The following CCDC73 variants were observed in gnomAD, a reference collection of about 807,000 sequenced individuals.
CCDC73 encodes the protein coiled-coil domain containing 73.
Under a neutral mutation model 116.5 loss-of-function variants are expected in CCDC73, and 95 were observed. The observed-to-expected ratio is 0.82, with a 90% CI of 0.69 to 0.97. The LOEUF (loss-of-function observed/expected upper bound fraction) is 0.97, where lower values mean the gene tolerates loss of function less well. Among genes scored for constraint, CCDC73 ranks in the 50% least tolerant of loss-of-function variants. CCDC73 has a pLI of 0.00. For missense variants in CCDC73, 1,066 were observed against 1,206.8 expected (o/e 0.88, Z 1.73); for synonymous variants, 398 against 401.3 (o/e 0.99, Z 0.10).
chr11:32,752,266 T>C lies in CCDC73; in HGVS notation c.135+7843A>G, dbSNP rs551923758. Among the ~76,000 whole-genome samples, 9 of 152,306 alleles carry C rather than the reference T, an allele frequency of 5.9e-5. No homozygotes were observed. In the East Asian group the frequency reaches 1.4e-3, roughly 23 times the overall value. ...ACTCAAGGACATGAAATATGGTTCA[T>C]TGGGAGCCACAAATATAACAGCATC... On this transcript the variant is annotated intron_variant, in intron 2 of 17. Coordinates refer to ENST00000335185, the MANE Select transcript of CCDC73 (RefSeq NM_001008391.4).
chr11:32,699,295 C>T lies in CCDC73; in HGVS notation c.346G>A (p.Glu116Lys), dbSNP rs1287817413. 7 of 1,578,540 alleles carry T rather than the reference C, an allele frequency of 4.4e-6. No homozygotes were observed. The highest frequency in any genetic ancestry group is 6.0e-6 in the Non-Finnish European group (7 of 1,158,536). Residue 116 changes from glutamate to lysine, a missense_variant, in exon 6 of 18, where the codon GAA (glutamate) becomes AAA (lysine). Physicochemically the swap from Glu to Lys is moderately conservative, Grantham distance 56. Transcript: ENST00000335185. ...GKYQLATEIK[E>K]KEIEGLKETL... The stretch of plus-strand genomic sequence containing the variant: ...TCCTTCAATCCTTCTATTTCTTTTT[C>T]CTTTATTTCTGTAGCAAGTTGATAT...
intron 1 of CCDC73, among the ~76,000 whole-genome samples, chr11:32,764,082 G>A (rs975104502): frequency 5.9e-5 from 9 of 152,148 alleles, no homozygotes; most frequent in Non-Finnish European, 1.0e-4. Flanking sequence ...AAAAAGAAAT[G>A]AACAAAGCCT....
intron 17 of CCDC73, chr11:32,605,125 T>A (rs997381195): frequency 6.6e-6 from 1 of 152,004 alleles, no homozygotes; most frequent in African/African-American, 2.4e-5. Flanking sequence ...GTGTTGGGAT[T>A]ACAGGCATGA....
chr11:32,644,720 T>C (rs1172404947), intron 12 of CCDC73, among the ~76,000 whole-genome samples: 1 of 152,222 alleles, frequency 6.6e-6, no homozygotes, highest in Non-Finnish European at 1.5e-5. Flanking sequence ...AACAGTTTTA[T>C]TACTTCCAAA....
intron 6 of CCDC73, among the ~76,000 whole-genome samples, chr11:32,688,815 G>A (rs1334423452): frequency 6.6e-6 from 1 of 151,988 alleles, no homozygotes; most frequent in Non-Finnish European, 1.5e-5. Flanking sequence ...AAAATATATA[G>A]CATCAATAAA....
chr11:32,616,002 G>C lies in CCDC73; in HGVS notation c.1313C>G (p.Thr438Ser). Residue 438 changes from threonine to serine, a missense_variant, in exon 15 of 18, where the codon ACT (threonine) becomes AGT (serine). Thr to Ser is a moderately conservative substitution (Grantham distance 58). Transcript: ENST00000335185. ...EENMENFCSDTEYREKEEKKE... is the reference protein window; with the variant it reads ...EENMENFCSDSEYREKEEKKE... ...TTTTTCTTCTTTTTCTCTGTATTCA[G>C]TATCTGAACAAAAATTCTCCATATT... 1 of 1,599,378 alleles carries C rather than the reference G, an allele frequency of 6.3e-7. No individual in the cohort carries two copies. Among genetic ancestry groups the C allele is most frequent in the Non-Finnish European group, 8.5e-7 (1 of 1,171,752 alleles).
Position 32,614,664 on chromosome 11 carries a change from G to A in CCDC73, c.1654C>T (p.Leu552=), listed in dbSNP as rs759088510. ...ACATCTAATCCTCTGGTTCTTTCTA[G>A]ATGTATTTTTTCTGTTTCTATTGCT... ...DTAIETEKIH[L]ERTRGLDVHH... The change falls in exon 16 of 18, where the codon CTA becomes TTA. Residue 552 remains leucine (L), a synonymous_variant. Coordinates refer to ENST00000335185, the MANE Select transcript of CCDC73 (RefSeq NM_001008391.4). 8.7e-6 allele frequency: 14 copies of A among 1,612,810 alleles called. No homozygotes were observed. The highest frequency in any genetic ancestry group is 8.3e-5 in the Admixed American group (5 of 59,908).
the CCDC73 span, among the ~76,000 whole-genome samples, chr11:32,826,650 AAAAAAAAAAC>A: frequency 2.0e-4 from 27 of 136,802 alleles, no homozygotes; most frequent in Admixed American, 1.8e-3. Context: ...ATAACTCAAA[AAAAAAAAAAC>A]AAAAAAAAAA....
In CCDC73 at chr11:32,622,527, G is replaced by C. The variant is rs559520029; in HGVS notation, c.1186-6398C>G. ...CCTGTCCGGGTGGGGGGCAGCAAGG[G>C]GAGGGAGAGCATCAGGACAAATAGC... On this transcript the variant is annotated intron_variant, in intron 14 of 17. Transcript: ENST00000335185. 3.9e-5 allele frequency among the ~76,000 whole-genome samples: 6 copies of C among 152,122 alleles called. No individual in the cohort carries two copies. The East Asian group carries it at 1.2e-3, about 29-fold the overall frequency.
At chr11:32,781,257 G>T (rs188237102) in intron 1 of CCDC73, among the ~76,000 whole-genome samples, 1 of 152,184 alleles carries the variant, frequency 6.6e-6, no homozygotes, top group Non-Finnish European at 1.5e-5. Flanking sequence ...ATTGAACAGT[G>T]GTATTTAGTT....
At chr11:32,626,972 A>T (rs1029775115) in intron 14 of CCDC73, among the ~76,000 whole-genome samples, 1 of 152,222 alleles carries the variant, frequency 6.6e-6, no homozygotes, top group Non-Finnish European at 1.5e-5. Flanking sequence ...AAATTGATAA[A>T]TGGGATCTAA....
chr11:32,611,168 T>C lies in CCDC73; in HGVS notation c.2994A>G (p.Ala998=). Residue 998 remains alanine (A), a synonymous_variant, in exon 17 of 18, where the codon GCA becomes GCG. Coordinates refer to ENST00000335185, the MANE Select transcript of CCDC73 (RefSeq NM_001008391.4). ...GAAAAGAGGAATCATAAAAAGTCTT[T>C]GCCATTGCATTCTTCTCTTCACTGG... ...GEPSEEKNAM[A]KTFYDSSFPT... is the part of the protein sequence containing the mutation. 1 of 1,613,992 alleles carries C rather than the reference T, an allele frequency of 6.2e-7. No individual in the cohort carries two copies. The highest frequency in any genetic ancestry group is 8.5e-7 in the Non-Finnish European group (1 of 1,179,906).
the CCDC73 span, among the ~76,000 whole-genome samples, chr11:32,805,985 A>C: frequency 4.6e-5 from 7 of 152,242 alleles, no homozygotes; most frequent in African/African-American, 1.7e-4. Flanking sequence ...CCCAAAGTTA[A>C]ACAAGCTATA....
chr11:32,689,927 G>A (rs927766780), intron 6 of CCDC73, among the ~76,000 whole-genome samples: 11 of 152,186 alleles, frequency 7.2e-5, no homozygotes, highest in Non-Finnish European at 1.5e-4. Flanking sequence ...CCCGGGAGGC[G>A]GAGCTTGCAG....
intron 14 of CCDC73, among the ~76,000 whole-genome samples, chr11:32,625,654 G>A (rs1012885689): frequency 2.0e-5 from 3 of 152,062 alleles, no homozygotes; most frequent in East Asian, 1.9e-4. Flanking sequence ...CTTCATCCCT[G>A]GGATGCAAGG....
Position 32,650,865 on chromosome 11 carries a change from C to G in CCDC73, c.939+2258G>C, listed in dbSNP as rs190076486. Among the ~76,000 whole-genome samples the G allele has an allele frequency of 1.2e-3, 177 of 152,160 alleles. 1 individual carries two copies. Among genetic ancestry groups the G allele is most frequent in the Non-Finnish European group, 1.3e-3 (90 of 67,980 alleles). On this transcript the variant is annotated intron_variant, in intron 12 of 17. Transcript: ENST00000335185. ...TCTGCATAATTTGTTGGGCCTGGTA[C>G]AAAATGAAAAACACAGGGAAAAAAG... is the stretch of plus-strand genomic sequence containing the variant.
At chr11:32,803,660 A>C in the CCDC73 span, among the ~76,000 whole-genome samples, 2 of 152,250 alleles carry the variant, frequency 1.3e-5, no homozygotes, top group African/African-American at 4.8e-5. Context: ...TATCCTAGAT[A>C]GTATAATGTG....
At chr11:32,741,447 CTTCT>C (rs963085765) in intron 2 of CCDC73, among the ~76,000 whole-genome samples, 18 of 152,074 alleles carry the variant, frequency 1.2e-4, no homozygotes, top group African/African-American at 3.4e-4. Flanking sequence ...CTCAAAACAC[CTTCT>C]TTGTTTTCTC....
chr11:32,776,986 CATGTATATATATAT>C (rs761406504), intron 1 of CCDC73, among the ~76,000 whole-genome samples: 55 of 95,764 alleles, frequency 5.7e-4, no homozygotes, highest in Admixed American at 1.7e-3. Context: ...TATATATACA[CATGTATATATATAT>C]ATATATATAT....
Sources: allele counts gnomAD v4.1 joint callset (sites outside exome capture counted in the v4.1 genomes callset), GRCh38; gene constraint gnomAD v4.1.1; transcripts MANE v1.5; gene names NCBI Gene and HGNC (gene_info 2026-07-23, HGNC 2026-07-21).